ITGA4: variants seen among roughly 807,000 people sequenced by gnomAD.
ITGA4 encodes the protein integrin subunit alpha 4.
Under a neutral mutation model 133.6 loss-of-function variants are expected in ITGA4, and 63 were observed. The ratio of observed to expected loss-of-function variants is 0.47; its 90% confidence interval spans 0.38 to 0.58. ITGA4 has a LOEUF of 0.58. Ranked by LOEUF, ITGA4 falls within the 20% of genes least tolerant of loss-of-function variation. ITGA4 has a pLI of 0.00. For missense variants in ITGA4, 1,076 were observed against 1,252.7 expected (o/e 0.86, Z 2.13); for synonymous variants, 483 against 438.0 (o/e 1.10, Z -1.28).
At chr2:181,477,449 G>A (rs155092) in intron 4 of ITGA4, among the ~76,000 whole-genome samples, 7,229 of 152,028 alleles carry the variant, frequency 0.048, 342 homozygotes, top group African/African-American at 0.12. Context: ...AATAATATTC[G>A]CATAAGTCCT....
In ITGA4 at chr2:181,480,174, G is replaced by A; in HGVS notation, c.662G>A (p.Trp221Ter). ...ATGGGGGCCCCAGGATCATCTTACT[G>A]GACTGGCTCTCTTTTTGTCTACAAT... ...IVMGAPGSSY[W>*]TGSLFVYNIT... The change falls in exon 6 of 28, where the codon TGG becomes TAG. Residue 221 changes from tryptophan (W) to a stop codon, truncating the protein, a stop_gained. Transcript: ENST00000397033. LOFTEE classifies it high-confidence loss of function. 6.4e-7 allele frequency: 1 copy of A among 1,561,162 alleles called. No individual in the cohort carries two copies. The highest frequency in any genetic ancestry group is 1.4e-5 in the African/African-American group (1 of 71,774).
chr2:181,522,538 T>C (rs1171279822), intron 18 of ITGA4, among the ~76,000 whole-genome samples, 197 bp downstream of exon 18: 1 of 152,218 alleles, frequency 6.6e-6, no homozygotes, highest in Admixed American at 6.5e-5. Flanking sequence ...ATCAGCCTCC[T>C]GTTTTCCAGT....
chr2:181,509,336 C>T (rs1044182032), intron 15 of ITGA4, among the ~76,000 whole-genome samples: 2 of 151,704 alleles, frequency 1.3e-5, no homozygotes, highest in African/African-American at 4.8e-5. Flanking sequence ...ATGAAAAATG[C>T]TTATGTTATA....
At chr2:181,507,763 A>G (rs1686423996) in intron 15 of ITGA4, among the ~76,000 whole-genome samples, 2 of 152,072 alleles carry the variant, frequency 1.3e-5, no homozygotes, top group African/African-American at 4.8e-5. Context: ...TAATGACAAG[A>G]AAAAAAATCT....
chr2:181,465,770 A>G (rs1002376353), intron 2 of ITGA4, among the ~76,000 whole-genome samples: 5 of 152,272 alleles, frequency 3.3e-5, no homozygotes, highest in Admixed American at 2.6e-4. Flanking sequence ...ATTGTCTGGC[A>G]GCATCAGATG....
At chr2:181,481,048 T>G (rs1288735225) in intron 6 of ITGA4, among the ~76,000 whole-genome samples, 2 of 152,146 alleles carry the variant, frequency 1.3e-5, no homozygotes, top group Non-Finnish European at 2.9e-5. Flanking sequence ...TTCTTTCTAT[T>G]CAAACAGAAG....
At position 181,527,271 on chromosome 2, in the gene ITGA4, ATTAAAT is replaced by A; in HGVS notation, c.2340-23_2340-18del. 7.4e-7 allele frequency: 1 copy of A among 1,344,688 alleles called. No homozygotes were observed. Among genetic ancestry groups the A allele is most frequent in the South Asian group, 1.2e-5 (1 of 85,144 alleles). 83.3% of individuals were successfully genotyped at this position (1,344,688 alleles called of 1,614,324 possible). ...AATACGTCATCGAATAAGACAGTTA[ATTAAAT>A]TTGAATTTGTTTTTACCAGGTTTGT... On this transcript the variant is annotated intron_variant, in intron 21 of 27. Coordinates refer to ENST00000397033, the MANE Select transcript of ITGA4 (RefSeq NM_000885.6).
In ITGA4 at chr2:181,536,938, A is replaced by G. The variant is rs1157180406; in HGVS notation, c.*1411A>G. 1 of 453,446 alleles carries G rather than the reference A, an allele frequency of 2.2e-6. No individual in the cohort carries two copies. The highest frequency in any genetic ancestry group is 2.0e-5 in the African/African-American group (1 of 49,968). The allele number at this position is 453,446 out of a possible 1,614,324, so 28.1% of individuals were successfully genotyped here. A position where few individuals can be genotyped will look rare whatever the true frequency, so the allele number is the denominator to read the frequency against. On this transcript the variant is annotated 3_prime_UTR_variant, in exon 28 of 28. Coordinates refer to ENST00000397033, the MANE Select transcript of ITGA4 (RefSeq NM_000885.6). ...AAACAATTCTGGGAAAGATTTCTTT[A>G]TATGAAGTCCCTGCCACTAGCCAGC...
chr2:181,486,198 A>C, intron 10 of ITGA4: 1 of 508,370 alleles, frequency 2.0e-6, no homozygotes. Context: ...AATGGATGAT[A>C]TTCAAAATAC....
chr2:181,500,981 C>A (rs12471434), intron 15 of ITGA4, among the ~76,000 whole-genome samples: 1 of 152,114 alleles, frequency 6.6e-6, no homozygotes, highest in African/African-American at 2.4e-5. Context: ...AGGAGTGAAG[C>A]GGAGAATTTT....
rs1460418930 is a variant in ITGA4, at chr2:181,458,223, C to G, written c.225C>G (p.Asn75Lys). Reference sequence around the variant, plus strand: ...TCCTAGTGGGTGCGCCCACTGCCAACTGGCTCGCCAACGCTTCAGTGATCA... The same window carrying G: ...TCCTAGTGGGTGCGCCCACTGCCAAGTGGCTCGCCAACGCTTCAGTGATCA... ...RWLLVGAPTA[N>K]WLANASVINP... Residue 75 changes from asparagine (N) to lysine (K), a missense_variant, in exon 2 of 28, where the codon AAC (asparagine) becomes AAG (lysine). Asn to Lys is a moderately conservative substitution (Grantham distance 94, BLOSUM62 0). Coordinates refer to ENST00000397033, the MANE Select transcript of ITGA4 (RefSeq NM_000885.6). 5 of 1,613,964 alleles carry G rather than the reference C, an allele frequency of 3.1e-6. No individual in the cohort carries two copies. The Admixed American group carries it at 8.3e-5, about 27-fold the overall frequency.
At position 181,537,833 on chromosome 2, in the gene ITGA4, T is replaced by C. The variant is rs1363071582; in HGVS notation, c.*2306T>C. On this transcript the variant is annotated 3_prime_UTR_variant, in exon 28 of 28. Coordinates refer to ENST00000397033, the MANE Select transcript of ITGA4 (RefSeq NM_000885.6). ...CCCTAGAGGCTAATTGTTAGTAACATCAATTTCTATTAGGATATCCGTTTG... is the reference window on the plus strand; with the variant it reads ...CCCTAGAGGCTAATTGTTAGTAACACCAATTTCTATTAGGATATCCGTTTG... The C allele has an allele frequency of 2.1e-6, 1 of 485,742 alleles. No homozygotes were observed. The highest frequency in any genetic ancestry group is 1.9e-5 in the African/African-American group (1 of 51,528). The allele number at this position is 485,742 out of a possible 1,614,324, so 30.1% of individuals were successfully genotyped here.
chr2:181,495,354 T>G lies in ITGA4; in HGVS notation c.1340-17T>G. 1 of 1,598,280 alleles carries G rather than the reference T, an allele frequency of 6.3e-7. No homozygotes were observed. Among genetic ancestry groups the G allele is most frequent in the South Asian group, 1.1e-5 (1 of 90,724 alleles). ...ACTAATGATGATCATTAATCTGTGT[T>G]GTTTTTTATCCTCCAGATGTAGCAG... On this transcript the variant is annotated splice_polypyrimidine_tract_variant and intron_variant, in intron 12 of 27. Transcript: ENST00000397033. The surrounding 1 kb of genome is among the most constrained non-coding windows in gnomAD (Gnocchi z 4.3).
In ITGA4 at chr2:181,536,860, C is replaced by A; in HGVS notation, c.*1333C>A. On this transcript the variant is annotated 3_prime_UTR_variant, in exon 28 of 28. Coordinates refer to ENST00000397033, the MANE Select transcript of ITGA4 (RefSeq NM_000885.6). Reference sequence around the variant, plus strand: ...TCTGCCTTCATAAGAGAGCTGTGGCCGAATTTTGAACATCTGTTATAGGGA... The same window carrying A: ...TCTGCCTTCATAAGAGAGCTGTGGCAGAATTTTGAACATCTGTTATAGGGA... The A allele has an allele frequency of 2.3e-6, 1 of 427,480 alleles. No individual in the cohort carries two copies. Among genetic ancestry groups the A allele is most frequent in the South Asian group, 1.7e-5 (1 of 58,202 alleles). 26.5% of individuals were successfully genotyped at this position (427,480 alleles called of 1,614,324 possible). A position where few individuals can be genotyped will look rare whatever the true frequency, so the allele number is the denominator to read the frequency against.
Position 181,534,329 on chromosome 2 carries a change from C to G in ITGA4, c.2842C>G (p.Pro948Ala). The G allele has an allele frequency of 6.2e-7, 1 of 1,610,172 alleles. No individual in the cohort carries two copies. Among genetic ancestry groups the G allele is most frequent in the Non-Finnish European group, 8.5e-7 (1 of 1,176,658 alleles). The change falls in exon 26 of 28, where the codon CCA becomes GCA. Residue 948 changes from proline to alanine, a missense_variant. By Grantham distance (27) the Pro-to-Ala change is conservative. Around this residue, in one of 4 missense-constraint regions of ITGA4, gnomAD observed 193 missense variants for 172.3 expected, o/e 1.12. Transcript: ENST00000397033. ...AGCAACAGGTTTTCCAGAGCCAAAT[C>G]CAAGAGTAATTGAACTAAACAAGGA... Reference protein sequence around the residue: ...IRATGFPEPNPRVIELNKDEN... With the variant: ...IRATGFPEPNARVIELNKDEN...
chr2:181,524,608 T>C (rs922927587), intron 20 of ITGA4, among the ~76,000 whole-genome samples: 4 of 152,290 alleles, frequency 2.6e-5, no homozygotes, highest in South Asian at 2.1e-4. Flanking sequence ...TAGGAAATCG[T>C]TAATGACTAT....
rs1410560204 is a variant in ITGA4 at position 181,537,254 on chromosome 2, G to A, written c.*1727G>A. ...TGGTCTCTAAGGAAATTTACATTTG[G>A]TTCTTTCCTACTCAGAACTACTCAG... On this transcript the variant is annotated 3_prime_UTR_variant, in exon 28 of 28. Transcript: ENST00000397033. The A allele has an allele frequency of 6.6e-6, 3 of 453,604 alleles. No individual in the cohort carries two copies. The highest frequency in any genetic ancestry group is 8.8e-6 in the Non-Finnish European group (2 of 226,718). 28.1% of individuals were successfully genotyped at this position (453,604 alleles called of 1,614,324 possible).
intron 18 of ITGA4, among the ~76,000 whole-genome samples, chr2:181,522,610 G>A (rs960341586): frequency 1.3e-5 from 2 of 152,178 alleles, no homozygotes; most frequent in African/African-American, 2.4e-5. Context: ...GCCAGCACAC[G>A]TCTGATGTTG....
chr2:181,537,364 G>GAACACAATTACA lies in ITGA4; in HGVS notation c.*1838_*1849dup, dbSNP rs1464807952. ...AACACAGGCCTCTCAGATACAAGGG[G>GAACACAATTACA]AACACAATTACATATTGGGCTAGAT... On this transcript the variant is annotated 3_prime_UTR_variant, in exon 28 of 28. Coordinates refer to ENST00000397033, the MANE Select transcript of ITGA4 (RefSeq NM_000885.6). 1 of 453,754 alleles carries GAACACAATTACA rather than the reference G, an allele frequency of 2.2e-6. No individual in the cohort carries two copies. The highest frequency in any genetic ancestry group is 4.4e-6 in the Non-Finnish European group (1 of 226,696). 28.1% of individuals were successfully genotyped at this position (453,754 alleles called of 1,614,324 possible). A position where few individuals can be genotyped will look rare whatever the true frequency, so the allele number is the denominator to read the frequency against.
Sources: gnomAD v4.1 joint callset for allele counts (sites outside exome capture counted in the v4.1 genomes callset) on GRCh38, gnomAD v4.1.1 for gene constraint, gnomAD v4.1.1 regional missense constraint, Gnocchi (gnomAD v3.1) non-coding constraint, MANE v1.5 for transcripts, NCBI Gene and HGNC (gene_info 2026-07-23, HGNC 2026-07-21) for gene names.